Variants in PIGK observed in about 807,000 individuals in gnomAD.
PIGK encodes the protein phosphatidylinositol glycan anchor biosynthesis class K.
Under a neutral mutation model 50.6 loss-of-function variants are expected in PIGK, and 42 were observed. The ratio of observed to expected loss-of-function variants is 0.83; its 90% CI spans 0.65 to 1.07. The LOEUF (loss-of-function observed/expected upper bound fraction) is 1.07. PIGK is among the 50% of genes least tolerant of loss of function. The pLI, the probability that PIGK is intolerant of heterozygous loss-of-function variation, is 0.00. For synonymous variants in PIGK, 151 were observed against 156.0 expected (o/e 0.97, Z 0.24); for missense variants, 448 against 488.7 (o/e 0.92, Z 0.78).
intron 10 of PIGK, among the ~76,000 whole-genome samples, chr1:77,096,899 T>TTTTTTTTTTTTTTTTG (rs1653421518): frequency 7.1e-6 from 1 of 141,310 alleles, no homozygotes; most frequent in African/African-American, 2.8e-5. Context: ...TTTTTTTTTG[T>TTTTTTTTTTTTTTTTG]TTTTTTGTTT....
intron 9 of PIGK, among the ~76,000 whole-genome samples, chr1:77,124,809 C>T (rs1654190723): frequency 6.6e-6 from 1 of 152,106 alleles, no homozygotes; most frequent in South Asian, 2.1e-4. Context: ...ATAAATACAA[C>T]TCAAGAATAA....
intron 10 of PIGK, among the ~76,000 whole-genome samples, chr1:77,117,881 G>T (rs1328508336): frequency 1.3e-5 from 2 of 151,950 alleles, no homozygotes; most frequent in Non-Finnish European, 2.9e-5. Context: ...AAACATACTT[G>T]CAAATGTTGG....
chr1:77,207,631 A>T (rs1656318629), intron 2 of PIGK, among the ~76,000 whole-genome samples: 1 of 152,210 alleles, frequency 6.6e-6, no homozygotes, highest in Non-Finnish European at 1.5e-5. Flanking sequence ...GTGCTAGGAA[A>T]ATCTAATTCC....
chr1:77,178,768 AG>A (rs1226917007), intron 3 of PIGK, among the ~76,000 whole-genome samples: 7 of 152,212 alleles, frequency 4.6e-5, no homozygotes, highest in African/African-American at 1.7e-4. Flanking sequence ...TTTACAAGTC[AG>A]CCATCTCTAA....
chr1:77,163,118 A>G (rs994660234), intron 6 of PIGK, among the ~76,000 whole-genome samples: 8 of 152,204 alleles, frequency 5.3e-5, no homozygotes, highest in Non-Finnish European at 7.4e-5. Context: ...ATAAGACATA[A>G]TCAGTGCCTA....
chr1:77,176,139 C>T (rs749105273), intron 3 of PIGK, among the ~76,000 whole-genome samples: 1 of 152,114 alleles, frequency 6.6e-6, no homozygotes, highest in African/African-American at 2.4e-5. Flanking sequence ...AATTCTTCAT[C>T]ATTTTGGCTA....
At chr1:77,214,089 A>C (rs182431432) in intron 1 of PIGK, among the ~76,000 whole-genome samples, 27 of 152,320 alleles carry the variant, frequency 1.8e-4, no homozygotes, top group South Asian at 4.1e-4. Flanking sequence ...TCACTGCTGA[A>C]TTCTACCAAA....
At chr1:77,108,890 T>G (rs1333869396) in intron 10 of PIGK, among the ~76,000 whole-genome samples, 1 of 152,244 alleles carries the variant, frequency 6.6e-6, no homozygotes, top group East Asian at 1.9e-4. Flanking sequence ...AATTGGCTAC[T>G]GAAGCGTGTG....
At chr1:77,099,154 C>A (rs1653487757) in intron 10 of PIGK, among the ~76,000 whole-genome samples, 1 of 152,038 alleles carries the variant, frequency 6.6e-6, no homozygotes, top group East Asian at 1.9e-4. Flanking sequence ...ACATATTAAT[C>A]AATAAAAATA....
intron 3 of PIGK, among the ~76,000 whole-genome samples, chr1:77,170,035 T>C (rs1022256139): frequency 6.6e-6 from 1 of 152,190 alleles, no homozygotes; most frequent in African/African-American, 2.4e-5. Context: ...GATGCTGGAA[T>C]AGCTCCCTAC....
At chr1:77,108,730 A>G (rs1653759561) in intron 10 of PIGK, among the ~76,000 whole-genome samples, 1 of 152,160 alleles carries the variant, frequency 6.6e-6, no homozygotes, top group Non-Finnish European at 1.5e-5. Flanking sequence ...AGGTACACCA[A>G]TCAAATGTAG....
At position 77,135,406 on chromosome 1, in the gene PIGK, A is replaced by G. The variant is rs200776320; in HGVS notation, c.987-13047T>C. Among the ~76,000 whole-genome samples, 68 of 152,138 alleles carry G rather than the reference A, an allele frequency of 4.5e-4. No homozygotes were observed. In the East Asian group the frequency reaches 0.011, roughly 24 times the overall value. On this transcript the variant is annotated intron_variant, in intron 9 of 10. Transcript: ENST00000370812. ...TACTATGTACTATGTGTATACACAT[A>G]TATGTATATGTACTATGTATATATT...
At chr1:77,163,483 T>G (rs1319646817) in intron 6 of PIGK, among the ~76,000 whole-genome samples, 7 of 152,112 alleles carry the variant, frequency 4.6e-5, no homozygotes, top group Non-Finnish European at 1.0e-4. Flanking sequence ...GAAATACGTC[T>G]ATAACATTAG....
intron 9 of PIGK, among the ~76,000 whole-genome samples, chr1:77,151,589 T>TA (rs1472331138): frequency 6.6e-6 from 1 of 152,220 alleles, no homozygotes; most frequent in Admixed American, 6.5e-5. Context: ...ATCTTACACT[T>TA]AAAAAAACCT....
intron 3 of PIGK, among the ~76,000 whole-genome samples, chr1:77,204,125 G>A (rs951983318): frequency 1.3e-5 from 2 of 152,182 alleles, no homozygotes; most frequent in Admixed American, 1.3e-4. Context: ...CCTTACAAAA[G>A]TGAATAGGAG....
At position 77,132,739 on chromosome 1, in the gene PIGK, T is replaced by C. The variant is rs138008687; in HGVS notation, c.987-10380A>G. Among the ~76,000 whole-genome samples the C allele has an allele frequency of 2.4e-3, 366 of 152,160 alleles. 1 individual carries two copies. Among genetic ancestry groups the C allele is most frequent in the African/African-American group, 8.3e-3 (344 of 41,568 alleles). Reference sequence around the variant, plus strand: ...TTAGTTTTATTTTATTTCAAGTGCATTGGCAACAAATTCTCTGTCTGAAAA... The same window carrying C: ...TTAGTTTTATTTTATTTCAAGTGCACTGGCAACAAATTCTCTGTCTGAAAA... On this transcript the variant is annotated intron_variant, in intron 9 of 10. Coordinates refer to ENST00000370812, the MANE Select transcript of PIGK (RefSeq NM_005482.3).
chr1:77,099,025 C>G (rs924286011), intron 10 of PIGK, among the ~76,000 whole-genome samples: 3 of 152,008 alleles, frequency 2.0e-5, no homozygotes, highest in Admixed American at 2.0e-4. Flanking sequence ...ATTTGTAACA[C>G]TTCTAGGATC....
intron 9 of PIGK, among the ~76,000 whole-genome samples, chr1:77,145,147 C>A (rs1203156304): frequency 6.6e-6 from 1 of 151,740 alleles, no homozygotes; most frequent in African/African-American, 2.4e-5. Context: ...CAATTTTACC[C>A]GAATCTCAAA....
intron 10 of PIGK, among the ~76,000 whole-genome samples, chr1:77,104,455 AACAGCAGATAAT>A: frequency 6.6e-6 from 1 of 152,330 alleles, no homozygotes; most frequent in Admixed American, 6.5e-5. Flanking sequence ...GGATGGAATT[AACAGCAGATAAT>A]ACACTGGAAA....
Sources: gnomAD v4.1 joint callset for allele counts (sites outside exome capture counted in the v4.1 genomes callset) on GRCh38, gnomAD v4.1.1 for gene constraint, MANE v1.5 for transcripts, NCBI Gene and HGNC (gene_info 2026-07-23, HGNC 2026-07-21) for gene names.